The following SLC35F1 variants were observed in gnomAD, a reference collection of about 807,000 sequenced individuals.
SLC35F1 encodes the protein solute carrier family 35 member F1.
Under a neutral mutation model 48.7 loss-of-function variants are expected in SLC35F1, and 14 were observed. That is an observed-to-expected ratio of 0.29 (90% CI 0.19 to 0.45). The LOEUF is 0.45. SLC35F1 is among the 20% of genes least tolerant of loss of function. The pLI, the probability that SLC35F1 is intolerant of heterozygous loss-of-function variation, is 1.00. For synonymous variants in SLC35F1, 190 were observed against 202.2 expected (o/e 0.94, Z 0.51); for missense variants, 404 against 500.0 (o/e 0.81, Z 1.83).
intron 1 of SLC35F1, among the ~76,000 whole-genome samples, chr6:118,074,926 G>GAGCCA (rs1772795536): frequency 6.6e-6 from 1 of 152,192 alleles, no homozygotes; most frequent in Admixed American, 6.5e-5. Context: ...TTACAGGCGT[G>GAGCCA]AGCCACTGCT....
chr6:118,192,544 C>A (rs1348590690), intron 2 of SLC35F1, among the ~76,000 whole-genome samples: 1 of 152,098 alleles, frequency 6.6e-6, no homozygotes. Flanking sequence ...GTGGAAATGA[C>A]TTTAAATAGT....
chr6:118,139,316 G>C (rs1773848136), intron 1 of SLC35F1, among the ~76,000 whole-genome samples: 1 of 152,122 alleles, frequency 6.6e-6, no homozygotes, highest in Non-Finnish European at 1.5e-5. Flanking sequence ...GTTTCACCGT[G>C]TTAGCCAGGA....
At chr6:118,229,456 C>T (rs1399987863) in intron 2 of SLC35F1, among the ~76,000 whole-genome samples, 1 of 152,016 alleles carries the variant, frequency 6.6e-6, no homozygotes, top group Non-Finnish European at 1.5e-5. Context: ...CTGGAGTTGG[C>T]AGTGGGGTGC....
intron 1 of SLC35F1, among the ~76,000 whole-genome samples, chr6:118,125,165 C>T (rs2114409501): frequency 6.6e-6 from 1 of 152,180 alleles, no homozygotes; most frequent in Middle Eastern, 3.4e-3. Context: ...TTAGAGAATA[C>T]AAGAAGAAAA....
At chr6:117,926,811 T>C (rs1776034823) in intron 1 of SLC35F1, among the ~76,000 whole-genome samples, 2 of 152,242 alleles carry the variant, frequency 1.3e-5, no homozygotes, top group Admixed American at 6.5e-5. Flanking sequence ...ACATGACTGA[T>C]GTGTTCATAA....
intron 1 of SLC35F1, among the ~76,000 whole-genome samples, chr6:117,939,193 G>A (rs979049415): frequency 2.6e-5 from 4 of 151,898 alleles, no homozygotes; most frequent in Non-Finnish European, 5.9e-5. Flanking sequence ...GTATTATTTT[G>A]TAGAGACAGG....
chr6:118,312,875 A>G (rs1776387006), intron 7 of SLC35F1, among the ~76,000 whole-genome samples: 1 of 151,978 alleles, frequency 6.6e-6, no homozygotes. Context: ...TTGTCTTTTT[A>G]GCAGTTTTTA....
intron 1 of SLC35F1, among the ~76,000 whole-genome samples, chr6:118,142,970 A>G (rs866445355): frequency 2.1e-4 from 32 of 152,136 alleles, no homozygotes; most frequent in African/African-American, 7.7e-4. Context: ...GGTTCTCTGC[A>G]TGTTCTTTCA....
chr6:118,187,168 C>T (rs1774668388), intron 2 of SLC35F1, among the ~76,000 whole-genome samples: 1 of 152,196 alleles, frequency 6.6e-6, no homozygotes, highest in African/African-American at 2.4e-5. Context: ...TAACAACAGC[C>T]TGCACTAGGC....
chr6:117,995,382 T>C (rs2114861239), intron 1 of SLC35F1, among the ~76,000 whole-genome samples: 1 of 152,344 alleles, frequency 6.6e-6, no homozygotes, highest in South Asian at 2.1e-4. Context: ...TTGTCTTGTA[T>C]ACCTGACACC....
chr6:118,313,499 C>T (rs1050127656), intron 7 of SLC35F1, among the ~76,000 whole-genome samples: 1 of 152,102 alleles, frequency 6.6e-6, no homozygotes, highest in African/African-American at 2.4e-5. Context: ...TCTAATCTTG[C>T]AAAGATATTT....
At chr6:118,092,331 T>A (rs186278234) in intron 1 of SLC35F1, among the ~76,000 whole-genome samples, 2 of 152,244 alleles carry the variant, frequency 1.3e-5, no homozygotes, top group Middle Eastern at 3.4e-3. Context: ...CCTGTAGGAA[T>A]AAAGAAGTCA....
chr6:118,226,507 A>ACAG (rs1562331489), intron 2 of SLC35F1, among the ~76,000 whole-genome samples: 43 of 92,108 alleles, frequency 4.7e-4, no homozygotes, highest in African/African-American at 1.5e-3. Flanking sequence ...CACACACACA[A>ACAG]TGGAATATTA....
At chr6:117,910,405 C>T (rs1351431661) in intron 1 of SLC35F1, among the ~76,000 whole-genome samples, 1 of 152,220 alleles carries the variant, frequency 6.6e-6, no homozygotes, top group African/African-American at 2.4e-5. Context: ...TCACCATCTG[C>T]TTACTTTCTC....
chr6:118,117,244 T>C (rs1369800566), intron 1 of SLC35F1, among the ~76,000 whole-genome samples: 1 of 152,232 alleles, frequency 6.6e-6, no homozygotes, highest in African/African-American at 2.4e-5. Flanking sequence ...CAACCTTATC[T>C]GTACATGTAT....
intron 1 of SLC35F1, among the ~76,000 whole-genome samples, chr6:117,966,726 C>G (rs1023913119): frequency 1.6e-4 from 25 of 152,196 alleles, no homozygotes; most frequent in African/African-American, 5.3e-4. Flanking sequence ...TTCACATGGT[C>G]TTGTCTCTGT....
chr6:117,998,387 A>T (rs1777033578), intron 1 of SLC35F1, among the ~76,000 whole-genome samples: 1 of 151,998 alleles, frequency 6.6e-6, no homozygotes, highest in Non-Finnish European at 1.5e-5. Flanking sequence ...GTTAACAAGG[A>T]TACCCAGGAA....
Position 117,923,680 on chromosome 6 carries a change from T to TATGTACATATACAC in SLC35F1, c.173+15783_173+15784insGTACATATACACAT. Among the ~76,000 whole-genome samples, 41 of 11,324 alleles carry TATGTACATATACAC rather than the reference T, an allele frequency of 3.6e-3. 3 individuals carry two copies. Among genetic ancestry groups the TATGTACATATACAC allele is most frequent in the Non-Finnish European group, 8.8e-3 (35 of 4,000 alleles). 7.4% of individuals were successfully genotyped at this position (11,324 alleles called of 152,430 possible). On this transcript the variant is annotated intron_variant, in intron 1 of 7. Coordinates refer to ENST00000360388, the MANE Select transcript of SLC35F1 (RefSeq NM_001029858.4). Reference sequence around the variant, plus strand: ...ATATGTATATATACATATATGTACATATATACATATGTACATATACATATA... The same window carrying TATGTACATATACAC: ...ATATGTATATATACATATATGTACATATGTACATATACACATATACATATGTACATATACATATA...
chr6:118,220,141 A>G (rs190842413), intron 2 of SLC35F1, among the ~76,000 whole-genome samples: 119 of 152,302 alleles, frequency 7.8e-4, no homozygotes, highest in Admixed American at 3.2e-3. Context: ...GGTTGTGCAC[A>G]TGTACCCTAG....
Sources: allele counts gnomAD v4.1 joint callset (sites outside exome capture counted in the v4.1 genomes callset), GRCh38; gene constraint gnomAD v4.1.1; transcripts MANE v1.5; gene names NCBI Gene and HGNC (gene_info 2026-07-23, HGNC 2026-07-21).